PCDHA2: variants seen among roughly 807,000 people sequenced by gnomAD.
PCDHA2 encodes the protein protocadherin alpha 2.
A neutral mutation model predicts 66.0 loss-of-function variants in PCDHA2; 58 were observed. The observed-to-expected ratio is 0.88, with a 90% CI of 0.71 to 1.09. The LOEUF is 1.09. PCDHA2 is among the 50% of genes least tolerant of loss of function. The probability of loss-of-function intolerance (pLI) is 0.00; values close to 1 mark genes in which losing one functional copy is unlikely to be tolerated. For synonymous variants in PCDHA2, 634 were observed against 554.0 expected (o/e 1.14, Z -2.03); for missense variants, 1,267 against 1,242.3 (o/e 1.02, Z -0.30).
At chr5:140,993,462 T>TCACACACA (rs3836747) in intron 3 of PCDHA2, among the ~76,000 whole-genome samples, 2,160 of 141,010 alleles carry the variant, frequency 0.015, 29 homozygotes, top group Admixed American at 0.024. Flanking sequence ...TCTTTCTTTC[T>TCACACACA]CACACACACA....
intron 1 of PCDHA2, chr5:140,968,325 C>T (rs148804197): frequency 1.2e-6 from 2 of 1,613,988 alleles, no homozygotes; most frequent in African/African-American, 2.7e-5. Context: ...CCAGTCACCT[C>T]CTATGTCTCC....
chr5:140,836,653 G>T lies in PCDHA2; in HGVS notation c.2388+39301G>T, dbSNP rs2150266924. ...TCATTCTCCCAGCAGAGGCGGCAGA[G>T]GGTGTGCTCTGGGGAGGGCCCACCC... On this transcript the variant is annotated intron_variant, in intron 1 of 3. Transcript: ENST00000526136. The T allele has an allele frequency of 1.9e-5, 30 of 1,613,390 alleles. 1 individual carries two copies. Among genetic ancestry groups the T allele is most frequent in the African/African-American group, 4.0e-5 (3 of 74,806 alleles).
intron 1 of PCDHA2, chr5:140,876,557 A>C: frequency 6.2e-7 from 1 of 1,614,156 alleles, no homozygotes; most frequent in Admixed American, 1.7e-5. Context: ...GTGCAAGAGG[A>C]TGCTCAGGTG....
intron 1 of PCDHA2, among the ~76,000 whole-genome samples, chr5:140,844,991 A>G (rs1435563145): frequency 2.0e-5 from 3 of 149,284 alleles, no homozygotes; most frequent in South Asian, 4.3e-4. Flanking sequence ...AAATCTTTTA[A>G]TCACTTATGA....
chr5:140,927,481 G>T, intron 1 of PCDHA2: 1 of 1,614,072 alleles, frequency 6.2e-7, no homozygotes, highest in Non-Finnish European at 8.5e-7. Context: ...CGAACAGCGC[G>T]CCACCCACCT....
rs2150398719 is a variant in PCDHA2 at position 140,847,297 on chromosome 5, C to G, written c.2388+49945C>G. ...GAACGGGAAGACAAACTCAGAAGCT[C>G]CTGCAGTAATCAAGGACAGAAGCAA... On this transcript the variant is annotated intron_variant, in intron 1 of 3. Transcript: ENST00000526136. Among the ~76,000 whole-genome samples the G allele has an allele frequency of 1.1e-4, 16 of 149,638 alleles. 2 individuals carry two copies. The highest frequency in any genetic ancestry group is 3.9e-4 in the African/African-American group (16 of 40,870).
chr5:140,851,679 C>A, intron 1 of PCDHA2: 1 of 915,664 alleles, frequency 1.1e-6, no homozygotes, highest in Non-Finnish European at 1.3e-6. Context: ...AAATTTTCTC[C>A]ATTCAGTGAT....
chr5:140,868,423 T>A (rs1554161972), intron 1 of PCDHA2: 1 of 151,106 alleles, frequency 6.6e-6, no homozygotes, highest in African/African-American at 2.4e-5. Flanking sequence ...CCCACAGAGA[T>A]GAGAATAGAT....
In PCDHA2 at chr5:140,795,446, A is replaced by T. The variant is rs1554119441; in HGVS notation, c.482A>T (p.Asp161Val). 6.2e-7 allele frequency: 1 copy of T among 1,614,182 alleles called. No individual in the cohort carries two copies. The highest frequency in any genetic ancestry group is 8.5e-7 in the Non-Finnish European group (1 of 1,180,032). The change falls in exon 1 of 4, where the codon GAT becomes GTT. Residue 161 changes from aspartate to valine, a missense_variant. Physicochemically the swap from Asp to Val is radical, Grantham distance 152 (BLOSUM62 -3). Coordinates refer to ENST00000526136, the MANE Select transcript of PCDHA2 (RefSeq NM_018905.3). ...RFPLEGASDADIGVNALLSYK... is the reference protein window; with the variant it reads ...RFPLEGASDAVIGVNALLSYK... ...CCTCTAGAGGGAGCATCTGATGCAG[A>T]TATAGGAGTAAATGCTCTTCTCTCC...
intron 1 of PCDHA2, among the ~76,000 whole-genome samples, chr5:140,903,428 T>C (rs954463543): frequency 2.0e-5 from 3 of 152,210 alleles, no homozygotes; most frequent in Non-Finnish European, 4.4e-5. Flanking sequence ...CAGCACAATA[T>C]GTATCAGTGG....
At chr5:140,843,010 G>A (rs1778474215) in intron 1 of PCDHA2, 2 of 1,595,044 alleles carry the variant, frequency 1.3e-6, no homozygotes, top group Non-Finnish European at 1.7e-6. Context: ...ACAACGCGCC[G>A]GCACTGCTGG....
intron 1 of PCDHA2, chr5:140,836,321 C>A: frequency 1.9e-6 from 3 of 1,613,768 alleles, no homozygotes; most frequent in Non-Finnish European, 2.5e-6. Flanking sequence ...CGCGCCACCG[C>A]CTTCTGGTGC....
At chr5:140,801,383 C>A (rs782436436) in intron 1 of PCDHA2, 15 of 1,613,546 alleles carry the variant, frequency 9.3e-6, no homozygotes, top group Middle Eastern at 1.8e-4. Context: ...TGGTGCCGCG[C>A]CTGTTCCGGG....
At chr5:140,982,191 T>C (rs1431582069) in intron 2 of PCDHA2, among the ~76,000 whole-genome samples, 2 of 152,266 alleles carry the variant, frequency 1.3e-5, no homozygotes, top group Non-Finnish European at 2.9e-5. Flanking sequence ...ATGGGCTTCC[T>C]GTTAGATTTA....
Position 140,982,346 on chromosome 5 carries a change from G to T in PCDHA2, c.2448-129G>T, listed in dbSNP as rs1484322650. On this transcript the variant is annotated intron_variant, in intron 2 of 3. Coordinates refer to ENST00000526136, the MANE Select transcript of PCDHA2 (RefSeq NM_018905.3). ...TGACTGCTCAGCAGTAATTGCTTCA[G>T]TTCAAGCATGAGCAGAATGTGTTAG... 2.7e-6 allele frequency: 4 copies of T among 1,492,344 alleles called. No homozygotes were observed. The Admixed American group carries it at 8.5e-5, about 32-fold the overall frequency. The allele number at this position is 1,492,344 out of a possible 1,614,324, so 92.4% of individuals were successfully genotyped here. A position where few individuals can be genotyped will look rare whatever the true frequency, so the allele number is the denominator to read the frequency against.
chr5:140,927,275 A>G, intron 1 of PCDHA2: 1 of 1,614,124 alleles, frequency 6.2e-7, no homozygotes, highest in Non-Finnish European at 8.5e-7. Flanking sequence ...CCTGCCGGCG[A>G]CGTGCAGCTG....
Position 140,802,614 on chromosome 5 carries a change from C to T in PCDHA2, c.2388+5262C>T. ...GAAGGAGAACAACCCGCCGGGCTGC[C>T]ACATCTTCACGGTGTCTGCGCGGGA... On this transcript the variant is annotated intron_variant, in intron 1 of 3. Coordinates refer to ENST00000526136, the MANE Select transcript of PCDHA2 (RefSeq NM_018905.3). 3 of 1,614,048 alleles carry T rather than the reference C, an allele frequency of 1.9e-6. No homozygotes were observed. In the South Asian group the frequency reaches 3.3e-5, roughly 18 times the overall value.
intron 1 of PCDHA2, chr5:140,877,976 C>T: frequency 8.0e-7 from 1 of 1,255,054 alleles, no homozygotes. Flanking sequence ...GTCATTCTTA[C>T]TCATTTTGAA....
chr5:140,926,799 T>A, intron 1 of PCDHA2: 2 of 1,456,322 alleles, frequency 1.4e-6, no homozygotes, highest in Non-Finnish European at 1.8e-6. Flanking sequence ...GAGCGTGCTC[T>A]TCCCCGCGGC....
Sources: gnomAD v4.1 joint callset for allele counts (sites outside exome capture counted in the v4.1 genomes callset) on GRCh38, gnomAD v4.1.1 for gene constraint, MANE v1.5 for transcripts, NCBI Gene and HGNC (gene_info 2026-07-23, HGNC 2026-07-21) for gene names.